Variants in CUL3 observed in about 807,000 individuals in gnomAD.
The protein encoded by CUL3 is cullin-3.
In CUL3, 19 loss-of-function variants were observed where a neutral mutation model predicts 89.1. The ratio of observed to expected loss-of-function variants is 0.21; its 90% confidence interval spans 0.15 to 0.31. The LOEUF is 0.31. Among genes scored for constraint, CUL3 ranks in the 10% least tolerant of loss-of-function variants. CUL3 has a pLI of 1.00. For synonymous variants in CUL3, 351 were observed against 308.4 expected (o/e 1.14, Z -1.45); for missense variants, 469 against 942.3 (o/e 0.50, Z 6.58).
intron 2 of CUL3, among the ~76,000 whole-genome samples, chr2:224,542,828 G>A (rs1371984946): frequency 6.6e-6 from 1 of 152,152 alleles, no homozygotes; most frequent in African/African-American, 2.4e-5. Context: ...TGGAAAGGAG[G>A]ATGACAGGAG....
Position 224,585,162 on chromosome 2 carries a change from CGCGGCGGCGGCGGGGGCG to C in CUL3, c.-171_-154del, listed in dbSNP as rs891951414. The C allele has an allele frequency of 2.9e-5, 10 of 345,452 alleles. No individual in the cohort carries two copies. Among genetic ancestry groups the C allele is most frequent in the Admixed American group, 1.3e-4 (2 of 15,142 alleles). The allele number at this position is 345,452 out of a possible 1,614,324, so 21.4% of individuals were successfully genotyped here. On this transcript the variant is annotated 5_prime_UTR_variant, in exon 1 of 16. Coordinates refer to ENST00000264414, the MANE Select transcript of CUL3 (RefSeq NM_003590.5). ...GGGAGCTGGCCGGCCCCTGGGCAGC[CGCGGCGGCGGCGGGGGCG>C]GCGGCGGCGGCGGCGGCGGCTCGGA...
chr2:224,496,666 AC>A (rs1692180954), intron 12 of CUL3, among the ~76,000 whole-genome samples: 1 of 152,084 alleles, frequency 6.6e-6, no homozygotes, highest in Non-Finnish European at 1.5e-5. Context: ...TGATGTGATC[AC>A]AGTAAGAGAT....
intron 2 of CUL3, among the ~76,000 whole-genome samples, chr2:224,543,673 C>A (rs955184521): frequency 4.6e-5 from 7 of 152,154 alleles, no homozygotes; most frequent in Non-Finnish European, 1.0e-4. Context: ...AAAGCATCAT[C>A]TCAGCACTCA....
chr2:224,532,054 G>A (rs1222919005), intron 3 of CUL3, among the ~76,000 whole-genome samples: 7 of 152,216 alleles, frequency 4.6e-5, no homozygotes, highest in African/African-American at 1.7e-4. Flanking sequence ...GTTTCAGTAT[G>A]ATAGTGATTA....
intron 3 of CUL3, among the ~76,000 whole-genome samples, chr2:224,521,771 T>G (rs565285234): frequency 9.9e-5 from 15 of 152,052 alleles, no homozygotes; most frequent in African/African-American, 3.6e-4. Context: ...GTCCCACATA[T>G]GGCCAGCAGT....
chr2:224,498,694 T>G (rs184713986), intron 11 of CUL3, among the ~76,000 whole-genome samples: 20 of 152,210 alleles, frequency 1.3e-4, no homozygotes, highest in Non-Finnish European at 2.1e-4. Flanking sequence ...ACTATTACAA[T>G]AAGGATCATG....
chr2:224,471,255 CTA>C lies in CUL3; in HGVS notation c.*2988_*2989del, dbSNP rs529233653. 11 of 206,508 alleles carry C rather than the reference CTA, an allele frequency of 5.3e-5. No individual in the cohort carries two copies. The South Asian group carries it at 2.1e-3, about 39-fold the overall frequency. The allele number at this position is 206,508 out of a possible 1,614,324, so 12.8% of individuals were successfully genotyped here. On this transcript the variant is annotated 3_prime_UTR_variant, in exon 16 of 16. Coordinates refer to ENST00000264414, the MANE Select transcript of CUL3 (RefSeq NM_003590.5). ...AGATTGACACAATATACCATATACT[CTA>C]TAAAAAATTATTCTATGAAAGTCTT...
chr2:224,481,443 A>G (rs564767312), intron 14 of CUL3, among the ~76,000 whole-genome samples: 5 of 152,186 alleles, frequency 3.3e-5, no homozygotes, highest in Non-Finnish European at 7.4e-5. Context: ...TTTTTAAATT[A>G]AAGAGGATAT....
rs1362513963 is a variant in CUL3 at position 224,473,177 on chromosome 2, T to TG, written c.*1067dup. On this transcript the variant is annotated 3_prime_UTR_variant, in exon 16 of 16. Coordinates refer to ENST00000264414, the MANE Select transcript of CUL3 (RefSeq NM_003590.5). ...CTTTCCAAAACACAGCTGCAAGAAT[T>TG]GAAGATTTCATTAAAACTATCAAGG... 5.0e-6 allele frequency: 1 copy of TG among 198,258 alleles called. No homozygotes were observed. Among genetic ancestry groups the TG allele is most frequent in the African/African-American group, 2.3e-5 (1 of 43,426 alleles). 12.3% of individuals were successfully genotyped at this position (198,258 alleles called of 1,614,324 possible). A position where few individuals can be genotyped will look rare whatever the true frequency, so the allele number is the denominator to read the frequency against.
rs532946180 is a variant in CUL3, at chr2:224,575,694, C to A, written c.66+9250G>T. Among the ~76,000 whole-genome samples, 89 of 152,274 alleles carry A rather than the reference C, an allele frequency of 5.8e-4. 2 individuals are homozygous for A. The highest frequency in any genetic ancestry group is 2.0e-3 in the African/African-American group (83 of 41,548). ...AACAATTTTATGAGGTAGGTATCATCATTTTTTCCTTTTTGCAAAAGAGGG... is the reference window on the plus strand; with the variant it reads ...AACAATTTTATGAGGTAGGTATCATAATTTTTTCCTTTTTGCAAAAGAGGG... On this transcript the variant is annotated intron_variant, in intron 1 of 15. Transcript: ENST00000264414.
intron 3 of CUL3, among the ~76,000 whole-genome samples, chr2:224,530,927 CA>C (rs1693675577): frequency 1.4e-5 from 2 of 144,004 alleles, no homozygotes; most frequent in East Asian, 2.0e-4. Context: ...ACCAAACAAA[CA>C]AAAAAACCCC....
At chr2:224,559,082 C>T (rs1694823641) in intron 1 of CUL3, among the ~76,000 whole-genome samples, 1 of 151,248 alleles carries the variant, frequency 6.6e-6, no homozygotes, top group African/African-American at 2.4e-5. Flanking sequence ...AAAACTCCTC[C>T]CCTTAGTAAT....
intron 2 of CUL3, among the ~76,000 whole-genome samples, chr2:224,548,090 C>T (rs1694370932): frequency 6.6e-6 from 1 of 152,144 alleles, no homozygotes; most frequent in South Asian, 2.1e-4. Flanking sequence ...TTGCAGTTTA[C>T]AAAGAAATTC....
rs904483934 is a variant in CUL3, at chr2:224,473,317, A to C, written c.*928T>G. The C allele has an allele frequency of 1.5e-5, 3 of 193,586 alleles. No individual in the cohort carries two copies. Among genetic ancestry groups the C allele is most frequent in the Non-Finnish European group, 3.2e-5 (3 of 92,562 alleles). 12.0% of individuals were successfully genotyped at this position (193,586 alleles called of 1,614,324 possible). A position where few individuals can be genotyped will look rare whatever the true frequency, so the allele number is the denominator to read the frequency against. On this transcript the variant is annotated 3_prime_UTR_variant, in exon 16 of 16. Coordinates refer to ENST00000264414, the MANE Select transcript of CUL3 (RefSeq NM_003590.5). ...GGGAGGACCTAGGGTATTTATAAAC[A>C]AAGTATAGACTGTATGTGCTTTTCA... is the stretch of plus-strand genomic sequence containing the variant.
rs1036702018 is a variant in CUL3, at chr2:224,472,897, T to C, written c.*1348A>G. 2.3e-5 allele frequency: 5 copies of C among 213,010 alleles called. No individual in the cohort carries two copies. The highest frequency in any genetic ancestry group is 5.9e-5 in the Admixed American group (1 of 17,044). The allele number at this position is 213,010 out of a possible 1,614,324, so 13.2% of individuals were successfully genotyped here. On this transcript the variant is annotated 3_prime_UTR_variant, in exon 16 of 16. Transcript: ENST00000264414. ...TCAACGAAGGGTCAATTTAAACTTATTAGTAACATTTCATTTTTCTATCCA... is the reference window on the plus strand; with the variant it reads ...TCAACGAAGGGTCAATTTAAACTTACTAGTAACATTTCATTTTTCTATCCA...
chr2:224,534,651 C>T (rs114531721), intron 3 of CUL3, among the ~76,000 whole-genome samples: 1,891 of 152,158 alleles, frequency 0.012, 39 homozygotes, highest in African/African-American at 0.043. Flanking sequence ...CTTTCAGTTT[C>T]TCATTCTAAG....
At chr2:224,581,955 G>A (rs1287833460) in intron 1 of CUL3, among the ~76,000 whole-genome samples, 2 of 151,572 alleles carry the variant, frequency 1.3e-5, no homozygotes, top group Non-Finnish European at 2.9e-5. Flanking sequence ...ATGTACATAT[G>A]TATAACCATA....
chr2:224,497,425 A>G (rs1692209323), intron 12 of CUL3, among the ~76,000 whole-genome samples: 1 of 152,178 alleles, frequency 6.6e-6, no homozygotes, highest in Non-Finnish European at 1.5e-5. Context: ...AAAGGGGCTC[A>G]TGGCTTTGTA....
chr2:224,554,047 C>T (rs187975554), intron 2 of CUL3, among the ~76,000 whole-genome samples: 33 of 152,162 alleles, frequency 2.2e-4, no homozygotes, highest in Admixed American at 1.6e-3. Context: ...ACTTGGTCAC[C>T]GAAACACTGA....
Sources: allele counts gnomAD v4.1 joint callset (sites outside exome capture counted in the v4.1 genomes callset), GRCh38; gene constraint gnomAD v4.1.1; transcripts MANE v1.5; gene names NCBI Gene and HGNC (gene_info 2026-07-23, HGNC 2026-07-21).